Variants in TTC28 observed in about 807,000 individuals in gnomAD.
The protein encoded by TTC28 is tetratricopeptide repeat protein 28.
TTC28 carries 61 observed loss-of-function variants against 198.0 expected under a neutral mutation model. The observed-to-expected ratio is 0.31, with a 90% CI of 0.25 to 0.38. TTC28 has a LOEUF of 0.38. TTC28 is among the 10% of genes least tolerant of loss of function. The pLI is 1.00. For missense variants in TTC28, 2,678 were observed against 3,164.0 expected (o/e 0.85, Z 3.69); for synonymous variants, 1,171 against 1,297.8 (o/e 0.90, Z 2.10).
intron 2 of TTC28, among the ~76,000 whole-genome samples, chr22:28,496,705 T>G (rs2048459510): frequency 2.0e-5 from 3 of 151,962 alleles, no homozygotes; most frequent in Admixed American, 2.0e-4. Context: ...TTCTCCAGTC[T>G]ATTCTCCAAG....
chr22:28,104,788 C>T (rs1942248792), intron 8 of TTC28, among the ~76,000 whole-genome samples: 1 of 152,188 alleles, frequency 6.6e-6, no homozygotes, highest in African/African-American at 2.4e-5. Flanking sequence ...CCTCAGCTGC[C>T]ATGTCAGAAC....
intron 5 of TTC28, among the ~76,000 whole-genome samples, chr22:28,290,832 A>T (rs540326279): frequency 6.6e-6 from 1 of 152,202 alleles, no homozygotes; most frequent in South Asian, 2.1e-4. Flanking sequence ...GGATCAATTG[A>T]GCCCAAGAGG....
intron 6 of TTC28, among the ~76,000 whole-genome samples, chr22:28,134,392 C>G (rs1943147322): frequency 6.6e-6 from 1 of 152,152 alleles, no homozygotes; most frequent in South Asian, 2.1e-4. Flanking sequence ...AAGAAGGCGT[C>G]AGACAATCAA....
At chr22:28,412,145 G>C (rs774018696) in intron 2 of TTC28, among the ~76,000 whole-genome samples, 3 of 152,150 alleles carry the variant, frequency 2.0e-5, no homozygotes. Context: ...CTTGCTAAAG[G>C]ACACAAAACT....
At chr22:28,572,739 A>G (rs566466257) in intron 2 of TTC28, among the ~76,000 whole-genome samples, 2 of 152,332 alleles carry the variant, frequency 1.3e-5, no homozygotes, top group Non-Finnish European at 2.9e-5. Context: ...CAGAGCATCT[A>G]AGGAATTGGC....
At chr22:28,563,454 G>A (rs1188696717) in intron 2 of TTC28, among the ~76,000 whole-genome samples, 1 of 152,134 alleles carries the variant, frequency 6.6e-6, no homozygotes, top group African/African-American at 2.4e-5. Context: ...ATATACCTGT[G>A]TGAGTCAATT....
intron 5 of TTC28, among the ~76,000 whole-genome samples, chr22:28,175,457 C>T (rs936344178): frequency 6.6e-6 from 1 of 152,154 alleles, no homozygotes; most frequent in Non-Finnish European, 1.5e-5. Flanking sequence ...GCAGGCCAGG[C>T]CTGGTGGCTC....
intron 2 of TTC28, among the ~76,000 whole-genome samples, chr22:28,520,015 A>G (rs747531288): frequency 3.9e-5 from 6 of 152,186 alleles, no homozygotes; most frequent in African/African-American, 1.2e-4. Context: ...ATAATACACT[A>G]TTTTACAGTT....
chr22:28,364,727 A>C (rs1436410622), intron 2 of TTC28, among the ~76,000 whole-genome samples: 2 of 152,220 alleles, frequency 1.3e-5, no homozygotes, highest in Non-Finnish European at 2.9e-5. Context: ...TAGCAAGAGA[A>C]CTAGAATTAG....
intron 12 of TTC28, among the ~76,000 whole-genome samples, chr22:28,040,337 A>C (rs942137765): frequency 6.6e-6 from 1 of 152,230 alleles, no homozygotes; most frequent in Non-Finnish European, 1.5e-5. Context: ...GAAAATCCTC[A>C]ATAAAATACT....
chr22:28,030,183 AC>A lies in TTC28; in HGVS notation c.4073+42del. The A allele has an allele frequency of 4.5e-6, 7 of 1,548,824 alleles. 1 individual carries two copies. In the South Asian group the frequency reaches 8.4e-5, roughly 19 times the overall value. On this transcript the variant is annotated intron_variant, in intron 13 of 22. Coordinates refer to ENST00000397906, the MANE Select transcript of TTC28 (RefSeq NM_001145418.2). ...AAAGCATATTATCTGTGCTCAGAGC[AC>A]CCTGCCCTGCACTGGGCCTGGGGAA...
rs1261069115 is a variant in TTC28, at chr22:28,586,824, T to C, written c.381+42728A>G. ...TTTTTTATATGAGATCAAAATTCTT[T>C]GGATATCTATACAATTTTCAGCTAT... On this transcript the variant is annotated intron_variant, in intron 2 of 22. Transcript: ENST00000397906. 4.6e-5 allele frequency among the ~76,000 whole-genome samples: 7 copies of C among 152,346 alleles called. No homozygotes were observed. The East Asian group carries it at 1.3e-3, about 29-fold the overall frequency.
At chr22:28,218,761 G>T (rs1334988081) in intron 5 of TTC28, among the ~76,000 whole-genome samples, 1 of 151,954 alleles carries the variant, frequency 6.6e-6, no homozygotes, top group Non-Finnish European at 1.5e-5. Flanking sequence ...GCTTATAATA[G>T]CTTCATTGAG....
intron 5 of TTC28, among the ~76,000 whole-genome samples, chr22:28,256,494 T>G (rs1930929631): frequency 6.6e-6 from 1 of 151,226 alleles, no homozygotes. Context: ...GAGATTAATG[T>G]AAGAGTTAAA....
At chr22:28,187,106 T>C (rs1473009047) in intron 5 of TTC28, among the ~76,000 whole-genome samples, 3 of 152,308 alleles carry the variant, frequency 2.0e-5, no homozygotes, top group Middle Eastern at 6.8e-3. Context: ...CTTCATTCTG[T>C]AGTTGTTTAT....
At chr22:28,592,107 G>A (rs1289807992) in intron 2 of TTC28, among the ~76,000 whole-genome samples, 1 of 151,990 alleles carries the variant, frequency 6.6e-6, no homozygotes, top group African/African-American at 2.4e-5. Flanking sequence ...CACAAAGTTG[G>A]GTGTGGTAGG....
At chr22:28,144,109 A>T (rs1224804871) in intron 6 of TTC28, among the ~76,000 whole-genome samples, 2 of 152,184 alleles carry the variant, frequency 1.3e-5, no homozygotes, top group Non-Finnish European at 2.9e-5. Context: ...GCACCATGCA[A>T]AATGCTTCAC....
chr22:27,984,039 A>G (rs1937118745), intron 22 of TTC28, among the ~76,000 whole-genome samples, 188 bp from the exon 23 acceptor site: 1 of 152,190 alleles, frequency 6.6e-6, no homozygotes, highest in African/African-American at 2.4e-5. Flanking sequence ...CATAGGGACA[A>G]AATCATTCTA....
At chr22:28,211,941 GCAAT>G (rs1462845649) in intron 5 of TTC28, among the ~76,000 whole-genome samples, 3 of 152,150 alleles carry the variant, frequency 2.0e-5, no homozygotes, top group African/African-American at 7.2e-5. Context: ...AGACCACAGT[GCAAT>G]CAAATTAGAA....
Sources: gnomAD v4.1 joint callset for allele counts (sites outside exome capture counted in the v4.1 genomes callset) on GRCh38, gnomAD v4.1.1 for gene constraint, MANE v1.5 for transcripts, NCBI Gene and HGNC (gene_info 2026-07-23, HGNC 2026-07-21) for gene names.